MS4A10: variants seen among roughly 807,000 people sequenced by gnomAD.
The protein encoded by MS4A10 is membrane spanning 4-domains A10.
Under a neutral mutation model 27.7 loss-of-function variants are expected in MS4A10, and 27 were observed. The observed-to-expected ratio is 0.98, with a 90% confidence interval of 0.72 to 1.35. MS4A10 has a LOEUF of 1.35. Ranked by LOEUF, MS4A10 falls within the 40% of genes most tolerant of loss-of-function variation. MS4A10 has a pLI of 0.00. For synonymous variants in MS4A10, 139 were observed against 131.2 expected (o/e 1.06, Z -0.41); for missense variants, 338 against 324.7 (o/e 1.04, Z -0.32).
At chr11:60,791,167 C>G in intron 3 of MS4A10, 74 bp downstream of exon 3, 1 of 1,585,712 alleles carries the variant, frequency 6.3e-7, no homozygotes, top group Non-Finnish European at 8.6e-7. Context: ...GCATTTGGGA[C>G]AGGATGCAGG....
Position 60,793,996 on chromosome 11 carries a change from C to T in MS4A10, c.385C>T (p.Leu129Phe), listed in dbSNP as rs930870187. 6.2e-7 allele frequency: 1 copy of T among 1,614,118 alleles called. No individual in the cohort carries two copies. The highest frequency in any genetic ancestry group is 1.3e-5 in the African/African-American group (1 of 75,064). The change falls in exon 5 of 8, where the codon CTC (leucine) becomes TTC (phenylalanine). Residue 129 changes from leucine (L) to phenylalanine (F), a missense_variant. Leu to Phe is a conservative substitution (Grantham distance 22). Transcript: ENST00000308287. Reference protein sequence around the residue: ...YLKMLCLMTNLISLFCVLSGL... With the variant: ...YLKMLCLMTNFISLFCVLSGL... Reference sequence around the variant, plus strand: ...GAAGATGTTGTGCCTGATGACAAACCTCATCAGCCTCTTTTGCGTGCTGTC... The same window carrying T: ...GAAGATGTTGTGCCTGATGACAAACTTCATCAGCCTCTTTTGCGTGCTGTC...
chr11:60,785,535 C>T (rs763004050), intron 1 of MS4A10, 114 bp downstream of exon 1: 1 of 152,188 alleles, frequency 6.6e-6, no homozygotes, highest in Non-Finnish European at 1.5e-5. Flanking sequence ...AGGGGACCGG[C>T]CTCTTATACC....
intron 2 of MS4A10, among the ~76,000 whole-genome samples, 157 bp downstream of exon 2, chr11:60,790,675 G>C (rs554255995): frequency 2.0e-5 from 3 of 152,226 alleles, no homozygotes; most frequent in Admixed American, 1.3e-4. Flanking sequence ...TTGAAGATTG[G>C]AGAGAATCTG....
chr11:60,798,944 G>T (rs1002527980), intron 7 of MS4A10, among the ~76,000 whole-genome samples: 6 of 152,208 alleles, frequency 3.9e-5, no homozygotes, highest in African/African-American at 1.4e-4. Context: ...CTCCAGAGCG[G>T]CACAGGCAGG....
chr11:60,786,044 C>T (rs1365966279), intron 1 of MS4A10, among the ~76,000 whole-genome samples: 1 of 152,056 alleles, frequency 6.6e-6, no homozygotes. Context: ...CACTGAAACG[C>T]TGATCCTCTA....
intron 3 of MS4A10, among the ~76,000 whole-genome samples, chr11:60,792,006 T>C (rs1854439229): frequency 1.3e-5 from 2 of 152,154 alleles, no homozygotes; most frequent in South Asian, 4.1e-4. Context: ...GAGTTCTAAG[T>C]GCAGGGCACA....
intron 7 of MS4A10, 71 bp from the exon 8 acceptor site, chr11:60,799,757 C>T (rs11230483): frequency 0.49 from 379,045 of 770,764 alleles, 97,931 homozygotes; most frequent in East Asian, 0.83. Context: ...TATTTAATCT[C>T]AATGTCATTT....
intron 3 of MS4A10, 118 bp from the exon 4 acceptor site, chr11:60,792,147 T>C (rs1854441303): frequency 1.3e-6 from 1 of 782,366 alleles, no homozygotes; most frequent in Non-Finnish European, 2.2e-6. Flanking sequence ...GGAATAGTAT[T>C]CCCTGCCCCA....
chr11:60,794,398 C>A (rs1161008332), intron 5 of MS4A10, among the ~76,000 whole-genome samples: 1 of 152,212 alleles, frequency 6.6e-6, no homozygotes, highest in Non-Finnish European at 1.5e-5. Context: ...AATCCAGGAC[C>A]ACAGCCTAAA....
Position 60,793,953 on chromosome 11 carries a change from C to G in MS4A10, c.361-19C>G, listed in dbSNP as rs1854477514. On this transcript the variant is annotated intron_variant, in intron 4 of 7. Transcript: ENST00000308287. ...TCTCCACCCTTTGGACAGCTGTTAC[C>G]TTTATTTTTCACCTATAGAAGATGT... 1.9e-6 allele frequency: 3 copies of G among 1,613,386 alleles called. No individual in the cohort carries two copies. The highest frequency in any genetic ancestry group is 1.3e-5 in the African/African-American group (1 of 75,014).
intron 1 of MS4A10, among the ~76,000 whole-genome samples, chr11:60,789,320 C>G (rs1443238337): frequency 6.6e-6 from 1 of 152,212 alleles, no homozygotes; most frequent in Non-Finnish European, 1.5e-5. Context: ...AGCCAGCTCC[C>G]TTTCTTCCCC....
rs193285668 is a variant in MS4A10 at position 60,792,221 on chromosome 11, G to T, written c.304-44G>T. On this transcript the variant is annotated intron_variant, in intron 3 of 7. Coordinates refer to ENST00000308287, the MANE Select transcript of MS4A10 (RefSeq NM_206893.4). ...GGGGGTGGGAATTTGTGGGTTTTGA[G>T]GAACCCCAGCTTCTCTCCTTTGACT... 2,009 of 1,542,802 alleles carry T rather than the reference G, an allele frequency of 1.3e-3. 2 individuals are homozygous for T. The highest frequency in any genetic ancestry group is 2.4e-3 in the Admixed American group (141 of 59,860).
rs200129366 is a variant in MS4A10, at chr11:60,798,374, G to A, written c.604-22G>A. The A allele has an allele frequency of 7.0e-3, 11,052 of 1,573,006 alleles. 70 individuals carry two copies. The highest frequency in any genetic ancestry group is 0.017 in the South Asian group (1,556 of 90,116). ...TCGCTCCACAGCTGTGAGCAGCAGG[G>A]GCGGCGACTTTTCTTTCGCAGAATG... On this transcript the variant is annotated intron_variant, in intron 6 of 7. Transcript: ENST00000308287.
intron 7 of MS4A10, among the ~76,000 whole-genome samples, chr11:60,798,985 C>T (rs7935803): frequency 0.3 from 45,454 of 152,184 alleles, 7,650 homozygotes; most frequent in Middle Eastern, 0.39. Context: ...ACTAAGACAT[C>T]TCTGAGGGAG....
At chr11:60,792,594 C>T (rs1373057825) in intron 4 of MS4A10, among the ~76,000 whole-genome samples, 1 of 152,202 alleles carries the variant, frequency 6.6e-6, no homozygotes, top group Non-Finnish European at 1.5e-5. Context: ...GGCACCCTGA[C>T]CCATCCATCT....
chr11:60,790,860 T>A, intron 2 of MS4A10, 114 bp from the exon 3 acceptor site: 22 of 1,422,364 alleles, frequency 1.5e-5, no homozygotes, highest in Non-Finnish European at 2.1e-5. Context: ...GTCTCTGGGA[T>A]CCCTAAGAGG....
Position 60,790,991 on chromosome 11 carries a change from C to A in MS4A10, c.201C>A (p.Ile67=), listed in dbSNP as rs202060173. The change falls in exon 3 of 8, where the codon ATC becomes ATA. Residue 67 remains isoleucine (I), a synonymous_variant. Transcript: ENST00000308287. ...CCACCCAGGCCTTCCACATCACCAT[C>A]GCTCTGCTGCACCTGGTCTTTGGGG... ...LKELGAFHIT[I]ALLHLVFGGY... 2.5e-6 allele frequency: 4 copies of A among 1,614,186 alleles called. No individual in the cohort carries two copies. The highest frequency in any genetic ancestry group is 2.5e-6 in the Non-Finnish European group (3 of 1,180,018).
chr11:60,792,791 C>T (rs1283619720), intron 4 of MS4A10, among the ~76,000 whole-genome samples: 2 of 152,214 alleles, frequency 1.3e-5, no homozygotes, highest in Non-Finnish European at 2.9e-5. Flanking sequence ...CTCTCCCCTG[C>T]ACACATGGCT....
intron 1 of MS4A10, 49 bp from the exon 2 acceptor site, chr11:60,790,265 A>G: frequency 6.6e-7 from 1 of 1,519,228 alleles, no homozygotes. Flanking sequence ...CCCAGGCACA[A>G]GCCTCAGAAA....
Sources: gnomAD v4.1 joint callset for allele counts (sites outside exome capture counted in the v4.1 genomes callset) on GRCh38, gnomAD v4.1.1 for gene constraint, MANE v1.5 for transcripts, NCBI Gene and HGNC (gene_info 2026-07-23, HGNC 2026-07-21) for gene names.